Variants in NBEA observed in about 807,000 individuals in gnomAD.
NBEA encodes lysosomal-trafficking regulator 2.
A neutral mutation model predicts 343.4 loss-of-function variants in NBEA; 44 were observed. The observed-to-expected ratio is 0.13, with a 90% CI of 0.10 to 0.16. The LOEUF (loss-of-function observed/expected upper bound fraction) is 0.16, where lower values mean the gene tolerates loss of function less well. NBEA is among the 10% of genes least tolerant of loss of function. The pLI, the probability that NBEA is intolerant of heterozygous loss-of-function variation, is 1.00. For synonymous variants in NBEA, 1,175 were observed against 1,238.7 expected (o/e 0.95, Z 1.08); for missense variants, 2,555 against 3,631.3 (o/e 0.70, Z 7.62).
At chr13:35,083,271 G>A (rs1015694001) in intron 10 of NBEA, among the ~76,000 whole-genome samples, 5 of 151,976 alleles carry the variant, frequency 3.3e-5, no homozygotes, top group East Asian at 1.9e-4. Flanking sequence ...TGTTCCATTG[G>A]TCTATATCTC....
intron 41 of NBEA, among the ~76,000 whole-genome samples, chr13:35,520,083 G>T (rs2077638006): frequency 6.6e-6 from 1 of 152,078 alleles, no homozygotes; most frequent in Admixed American, 6.5e-5. Context: ...TTCCACCTCA[G>T]CTCATCAAGT....
chr13:35,624,545 T>C (rs942159153), intron 48 of NBEA, among the ~76,000 whole-genome samples: 3 of 152,108 alleles, frequency 2.0e-5, no homozygotes, highest in Non-Finnish European at 2.9e-5. Flanking sequence ...GATATATCTA[T>C]GCACTTAATG....
Position 35,604,683 on chromosome 13 carries a change from T to C in NBEA, c.7297-1743T>C, listed in dbSNP as rs370413153. 1.1e-4 allele frequency among the ~76,000 whole-genome samples: 16 copies of C among 152,292 alleles called. No homozygotes were observed. In the East Asian group the frequency reaches 1.9e-3, roughly 18 times the overall value. The stretch of plus-strand genomic sequence containing the variant: ...CAGCGTATCCTTCATTAAACTTTTC[T>C]CATCCATCTGGCCTCATATACCTCC... On this transcript the variant is annotated intron_variant, in intron 47 of 58. Transcript: ENST00000379939.
chr13:35,088,664 TA>T (rs904489854), intron 10 of NBEA, among the ~76,000 whole-genome samples: 1 of 151,684 alleles, frequency 6.6e-6, no homozygotes. Flanking sequence ...AAACTTTTTT[TA>T]AAAAAAATCT....
intron 41 of NBEA, among the ~76,000 whole-genome samples, chr13:35,482,842 A>T (rs944056187): frequency 2.0e-5 from 3 of 151,942 alleles, no homozygotes; most frequent in Non-Finnish European, 4.4e-5. Context: ...GCTCTACCAC[A>T]CATGTAGATA....
rs151318906 is a variant in NBEA at position 35,349,189 on chromosome 13, G to A, written c.5985G>A (p.Glu1995=). 12,966 of 1,604,016 alleles carry A rather than the reference G, an allele frequency of 8.1e-3. 102 individuals carry two copies. The highest frequency in any genetic ancestry group is 8.2e-3 in the Non-Finnish European group (9,628 of 1,174,006). ...AEFILNRQRA[E]DVHKHAEFES... is the part of the protein sequence containing the mutation. ...TTATTTTGAACAGACAAAGAGCCGAGGATGTACATAAACATGCAGAGTTTG... is the reference window on the plus strand; with the variant it reads ...TTATTTTGAACAGACAAAGAGCCGAAGATGTACATAAACATGCAGAGTTTG... Residue 1995 remains glutamate (E), a synonymous_variant, in exon 37 of 59, where the codon GAG becomes GAA. Transcript: ENST00000379939.
chr13:35,235,311 G>T (rs1195867313), intron 34 of NBEA, among the ~76,000 whole-genome samples: 2 of 152,066 alleles, frequency 1.3e-5, no homozygotes, highest in African/African-American at 4.8e-5. Flanking sequence ...AAGAAGTTCA[G>T]TAAACATCAT....
At chr13:35,089,351 T>C (rs1177927223) in intron 10 of NBEA, among the ~76,000 whole-genome samples, 3 of 151,246 alleles carry the variant, frequency 2.0e-5, no homozygotes, top group Admixed American at 6.6e-5. Flanking sequence ...AAATCAAAAC[T>C]GCAATGAGAT....
At chr13:35,098,038 A>G (rs2065428547) in intron 10 of NBEA, among the ~76,000 whole-genome samples, 1 of 152,102 alleles carries the variant, frequency 6.6e-6, no homozygotes, top group Non-Finnish European at 1.5e-5. Flanking sequence ...ATAAACTTTG[A>G]TGTTTTACTT....
At chr13:35,304,553 A>G (rs947800932) in intron 35 of NBEA, among the ~76,000 whole-genome samples, 1 of 152,122 alleles carries the variant, frequency 6.6e-6, no homozygotes, top group Non-Finnish European at 1.5e-5. Flanking sequence ...CTTGAAGGGA[A>G]AACATATAAT....
At chr13:34,988,414 A>C (rs546563079) in intron 1 of NBEA, among the ~76,000 whole-genome samples, 1 of 151,300 alleles carries the variant, frequency 6.6e-6, no homozygotes, top group South Asian at 2.1e-4. Flanking sequence ...GAGACTATAG[A>C]GGTAGCCGGC....
At chr13:35,284,721 T>A (rs181567241) in intron 34 of NBEA, among the ~76,000 whole-genome samples, 2 of 152,296 alleles carry the variant, frequency 1.3e-5, no homozygotes, top group East Asian at 3.9e-4. Flanking sequence ...TTGCTGTTTT[T>A]TAGGGTTTAG....
rs554344938 is a variant in NBEA, at chr13:35,195,852, C to A, written c.4928-12C>A. ...TCAAAGCTTTTTTCTAACCTAGTTTCTTTCATTACAGAAACACCTGCTGCA... is the reference window on the plus strand; with the variant it reads ...TCAAAGCTTTTTTCTAACCTAGTTTATTTCATTACAGAAACACCTGCTGCA... On this transcript the variant is annotated splice_polypyrimidine_tract_variant and intron_variant, in intron 30 of 58. Transcript: ENST00000379939. 3 of 1,555,920 alleles carry A rather than the reference C, an allele frequency of 1.9e-6. No individual in the cohort carries two copies. The highest frequency in any genetic ancestry group is 2.3e-5 in the East Asian group (1 of 44,390).
chr13:35,097,514 A>G (rs1469395654), intron 10 of NBEA, among the ~76,000 whole-genome samples: 3 of 151,998 alleles, frequency 2.0e-5, no homozygotes, highest in South Asian at 2.1e-4. Context: ...TTAGAATACT[A>G]TATTCATGTA....
intron 33 of NBEA, among the ~76,000 whole-genome samples, chr13:35,222,818 C>G (rs1258563763): frequency 1.3e-5 from 2 of 152,122 alleles, no homozygotes; most frequent in Non-Finnish European, 2.9e-5. Flanking sequence ...ATACGTTTTA[C>G]TTTTATATAT....
intron 13 of NBEA, among the ~76,000 whole-genome samples, chr13:35,112,259 T>G (rs2066255266): frequency 1.3e-5 from 2 of 152,110 alleles, no homozygotes. Flanking sequence ...TACTCAGATC[T>G]GTTGTTTTGT....
At chr13:35,410,150 G>A (rs1161860923) in intron 38 of NBEA, among the ~76,000 whole-genome samples, 1 of 152,052 alleles carries the variant, frequency 6.6e-6, no homozygotes. Flanking sequence ...TAAACAAAAA[G>A]TTGAAATGCA....
At chr13:35,232,883 C>T (rs2075047977) in intron 34 of NBEA, among the ~76,000 whole-genome samples, 1 of 152,080 alleles carries the variant, frequency 6.6e-6, no homozygotes, top group South Asian at 2.1e-4. Flanking sequence ...TTTAATCCAT[C>T]TATCAGGGCT....
At chr13:35,124,224 G>T (rs749432449) in intron 17 of NBEA, among the ~76,000 whole-genome samples, 1 of 149,166 alleles carries the variant, frequency 6.7e-6, no homozygotes, top group African/African-American at 2.5e-5. Context: ...ACTAGATGAG[G>T]TTCCTATCAG....
Sources: allele counts gnomAD v4.1 joint callset (sites outside exome capture counted in the v4.1 genomes callset), GRCh38; gene constraint gnomAD v4.1.1; transcripts MANE v1.5; gene names NCBI Gene and HGNC (gene_info 2026-07-23, HGNC 2026-07-21).